ACYP2: variants seen among roughly 807,000 people sequenced by gnomAD.
ACYP2 encodes acylphosphatase 2.
A neutral mutation model predicts 11.2 loss-of-function variants in ACYP2; 12 were observed. That is an observed-to-expected ratio of 1.08 (90% CI 0.69 to 1.74). The LOEUF is 1.74. Ranked by LOEUF, ACYP2 falls within the 40% of genes most tolerant of loss-of-function variation. The pLI is 0.00. For missense variants in ACYP2, 134 were observed against 101.9 expected (o/e 1.31, Z -1.35); for synonymous variants, 43 against 32.2 (o/e 1.33, Z -1.13).
intron 2 of ACYP2, among the ~76,000 whole-genome samples, chr2:54,018,121 C>T (rs1673798618): frequency 6.6e-6 from 1 of 152,112 alleles, no homozygotes; most frequent in Admixed American, 6.6e-5. Context: ...ACCCAGAGCA[C>T]GTTTTCTTCT....
intron 6 of ACYP2, among the ~76,000 whole-genome samples, chr2:54,210,729 G>A (rs1230047522): frequency 2.0e-5 from 2 of 97,792 alleles, no homozygotes; most frequent in African/African-American, 4.8e-5. Flanking sequence ...GGCTCATTAA[G>A]TCTTTTTTTT....
intron 2 of ACYP2, among the ~76,000 whole-genome samples, chr2:54,008,311 T>C (rs1431954447): frequency 2.0e-5 from 3 of 152,202 alleles, no homozygotes; most frequent in Admixed American, 6.6e-5. Context: ...TTCTCAGTAT[T>C]CCTCAACATT....
chr2:54,302,400 G>A (rs543317121), intron 6 of ACYP2, among the ~76,000 whole-genome samples: 1 of 151,982 alleles, frequency 6.6e-6, no homozygotes, highest in Non-Finnish European at 1.5e-5. Context: ...GGGCTCCCTG[G>A]GCACCAGTTT....
At chr2:54,004,726 T>A (rs1444296497) in intron 2 of ACYP2, among the ~76,000 whole-genome samples, 2 of 151,842 alleles carry the variant, frequency 1.3e-5, no homozygotes, top group Non-Finnish European at 2.9e-5. Flanking sequence ...CCCATTTTTT[T>A]AAAGCAGATT....
intron 6 of ACYP2, among the ~76,000 whole-genome samples, chr2:54,274,625 C>CAAAAAAAAAAAAA (rs70944155): frequency 2.7e-5 from 1 of 37,686 alleles, no homozygotes; most frequent in African/African-American, 1.2e-4. Context: ...GACTCCATCT[C>CAAAAAAAAAAAAA]AAAAAAAAAA....
At chr2:54,174,854 C>T (rs1162690265) in intron 6 of ACYP2, among the ~76,000 whole-genome samples, 1 of 152,146 alleles carries the variant, frequency 6.6e-6, no homozygotes, top group Non-Finnish European at 1.5e-5. Flanking sequence ...TTGAACCAGC[C>T]AGCCTTGCAT....
chr2:54,220,977 G>C (rs1267450459), intron 6 of ACYP2, among the ~76,000 whole-genome samples: 1 of 152,172 alleles, frequency 6.6e-6, no homozygotes, highest in African/African-American at 2.4e-5. Context: ...CTGATGTTGG[G>C]TTTGGCCATA....
intron 4 of ACYP2, among the ~76,000 whole-genome samples, chr2:54,130,430 A>G (rs1193836592): frequency 6.6e-6 from 1 of 152,188 alleles, no homozygotes; most frequent in Non-Finnish European, 1.5e-5. Context: ...ACCAGAATAC[A>G]TTTCATTTCC....
intron 6 of ACYP2, 143 bp downstream of exon 3, chr2:54,138,891 C>G (rs1681431488): frequency 1.5e-6 from 1 of 668,898 alleles, no homozygotes; most frequent in South Asian, 2.0e-5. Context: ...CTTCCAGGCT[C>G]AGATCTCCCC....
intron 6 of ACYP2, among the ~76,000 whole-genome samples, chr2:54,194,129 C>A (rs4671916): frequency 6.6e-6 from 1 of 152,128 alleles, no homozygotes; most frequent in Non-Finnish European, 1.5e-5. Context: ...ACCTCTGTCT[C>A]CCAGGTTCAA....
intron 6 of ACYP2, among the ~76,000 whole-genome samples, chr2:54,222,437 C>G (rs843757): frequency 0.25 from 38,045 of 151,484 alleles, 4,992 homozygotes; most frequent in South Asian, 0.42. Context: ...GTAAACCCAG[C>G]TACTCAGGAG....
At position 54,155,563 on chromosome 2, in the gene ACYP2, C is replaced by T. The variant is rs1215319291; in HGVS notation, c.404+16815C>T. On this transcript the variant is annotated intron_variant, in intron 6 of 6. Transcript: ENST00000607452. ...CGAACCCTATTGTGAACTGCGCATG[C>T]GAGGGATACAGGTTGTTCACTCTTC... is the stretch of plus-strand genomic sequence containing the variant. Among the ~76,000 whole-genome samples, 5 of 152,060 alleles carry T rather than the reference C, an allele frequency of 3.3e-5. No individual in the cohort carries two copies. The South Asian group carries it at 6.2e-4, about 19-fold the overall frequency.
At chr2:54,015,772 A>C (rs1673653491) in intron 2 of ACYP2, among the ~76,000 whole-genome samples, 1 of 152,028 alleles carries the variant, frequency 6.6e-6, no homozygotes, top group Non-Finnish European at 1.5e-5. Flanking sequence ...GATGCATGTG[A>C]CAGTTTGAGA....
chr2:54,009,864 C>G (rs1673268501), intron 2 of ACYP2, among the ~76,000 whole-genome samples: 1 of 152,154 alleles, frequency 6.6e-6, no homozygotes, highest in Admixed American at 6.5e-5. Flanking sequence ...TAAACCTTCA[C>G]AGGAAGTCTT....
chr2:54,087,523 G>A (rs912626393), intron 4 of ACYP2, among the ~76,000 whole-genome samples: 1 of 151,886 alleles, frequency 6.6e-6, no homozygotes, highest in African/African-American at 2.4e-5. Context: ...TAATTTTTTC[G>A]TATTTTTTGT....
chr2:54,103,824 T>G (rs1011431953), intron 4 of ACYP2, among the ~76,000 whole-genome samples: 10 of 152,340 alleles, frequency 6.6e-5, no homozygotes, highest in Admixed American at 5.2e-4. Flanking sequence ...TATGAGTGAT[T>G]CATATGCAGC....
intron 6 of ACYP2, among the ~76,000 whole-genome samples, chr2:54,297,932 G>A (rs928831847): frequency 6.6e-6 from 1 of 152,158 alleles, no homozygotes. Flanking sequence ...TTTAAAAGGG[G>A]ATGTGAAAGG....
At chr2:54,143,766 G>T (rs1406200364) in intron 6 of ACYP2, among the ~76,000 whole-genome samples, 10 of 108,010 alleles carry the variant, frequency 9.3e-5, no homozygotes, top group Admixed American at 3.6e-4. Flanking sequence ...TTGGGGGGGG[G>T]GTATTCTATC....
At chr2:54,027,452 T>C (rs1674345045) in intron 2 of ACYP2, among the ~76,000 whole-genome samples, 1 of 152,210 alleles carries the variant, frequency 6.6e-6, no homozygotes, top group Non-Finnish European at 1.5e-5. Context: ...CCTCCCAGTT[T>C]GTTACCATTC....
Sources: gnomAD v4.1 joint callset for allele counts (sites outside exome capture counted in the v4.1 genomes callset) on GRCh38, gnomAD v4.1.1 for gene constraint, MANE v1.5 for transcripts, NCBI Gene and HGNC (gene_info 2026-07-23, HGNC 2026-07-21) for gene names.